TMEM181: variants seen among roughly 807,000 people sequenced by gnomAD.
TMEM181 encodes G protein-coupled receptor 178.
In TMEM181, 39 loss-of-function variants were observed where a neutral mutation model predicts 71.9. That is an observed-to-expected ratio of 0.54 (90% confidence interval 0.42 to 0.71). The LOEUF (loss-of-function observed/expected upper bound fraction) is 0.71. TMEM181 is among the 30% of genes least tolerant of loss of function. TMEM181 has a pLI of 0.00. For synonymous variants in TMEM181, 245 were observed against 228.8 expected (o/e 1.07, Z -0.64); for missense variants, 595 against 583.0 (o/e 1.02, Z -0.21).
intron 1 of TMEM181, among the ~76,000 whole-genome samples, chr6:158,562,958 G>A (rs1036613001): frequency 6.6e-6 from 1 of 152,196 alleles, no homozygotes; most frequent in Admixed American, 6.5e-5. Context: ...CTTTAGAGCT[G>A]AGCCCAAACC....
intron 12 of TMEM181, 113 bp downstream of exon 12, chr6:158,625,319 G>A: frequency 4.4e-6 from 4 of 905,974 alleles, no homozygotes; most frequent in Non-Finnish European, 7.1e-6. Context: ...CCAGGGACTG[G>A]TCCATTCCCA....
At chr6:158,593,605 G>A (rs1470029815) in intron 6 of TMEM181, among the ~76,000 whole-genome samples, 1 of 152,190 alleles carries the variant, frequency 6.6e-6, no homozygotes, top group Non-Finnish European at 1.5e-5. Context: ...AATCAACATT[G>A]TGCTGGCAGC....
Position 158,585,404 on chromosome 6 carries a change from A to G in TMEM181, c.360A>G (p.Thr120=). The G allele has an allele frequency of 1.2e-6, 2 of 1,610,490 alleles. No individual in the cohort carries two copies. The highest frequency in any genetic ancestry group is 1.7e-6 in the Non-Finnish European group (2 of 1,178,980). Residue 120 remains threonine, a synonymous_variant, in exon 5 of 17, where the codon ACA becomes ACG. Transcript: ENST00000684151. ...MYIHNKVHNR[T]RTLTCAGKCA... is the part of the protein sequence containing the mutation. ...TTCATAACAAAGTTCACAACCGGACAAGGACCCTCACATGTGCAGGGGTGA... is the reference window on the plus strand; with the variant it reads ...TTCATAACAAAGTTCACAACCGGACGAGGACCCTCACATGTGCAGGGGTGA...
intron 2 of TMEM181, among the ~76,000 whole-genome samples, chr6:158,579,459 C>T (rs535540702): frequency 2.0e-5 from 3 of 150,654 alleles, no homozygotes; most frequent in Middle Eastern, 3.4e-3. Flanking sequence ...CAGTGGCTCA[C>T]GCCTGTAATC....
chr6:158,592,036 C>T (rs528317403), intron 6 of TMEM181, among the ~76,000 whole-genome samples: 1 of 152,316 alleles, frequency 6.6e-6, no homozygotes, highest in Admixed American at 6.5e-5. Context: ...AATTACACCA[C>T]AGCCAGAGCC....
chr6:158,605,131 A>AAGTGG, intron 6 of TMEM181, 136 bp from the exon 7 acceptor site: 1 of 159,686 alleles, frequency 6.3e-6, no homozygotes, highest in South Asian at 7.5e-5. Context: ...AAAAAAAAAA[A>AAGTGG]GTGTGTGTGT....
At chr6:158,582,762 T>A (rs978449074) in intron 3 of TMEM181, among the ~76,000 whole-genome samples, 2 of 152,048 alleles carry the variant, frequency 1.3e-5, no homozygotes, top group East Asian at 1.9e-4. Context: ...CTTCAGTAAC[T>A]CTCTCTGTGG....
At chr6:158,616,888 A>C (rs1785646020) in intron 10 of TMEM181, among the ~76,000 whole-genome samples, 1 of 152,210 alleles carries the variant, frequency 6.6e-6, no homozygotes, top group Admixed American at 6.5e-5. Flanking sequence ...TCGGTTTGCC[A>C]GTATTTTATT....
upstream of TMEM181, among the ~76,000 whole-genome samples, chr6:158,559,867 G>A (rs1056500164): frequency 2.0e-5 from 3 of 152,252 alleles, no homozygotes; most frequent in East Asian, 1.9e-4. Context: ...CTGCCCTAGG[G>A]ACAAGAGGTA....
intron 2 of TMEM181, among the ~76,000 whole-genome samples, chr6:158,580,672 G>A (rs957641946): frequency 6.6e-6 from 1 of 152,144 alleles, no homozygotes; most frequent in Admixed American, 6.5e-5. Flanking sequence ...GCCTAGCAGG[G>A]TGTTTCCTGT....
intron 1 of TMEM181, among the ~76,000 whole-genome samples, chr6:158,540,790 A>T (rs967638997): frequency 4.0e-5 from 6 of 151,858 alleles, no homozygotes; most frequent in African/African-American, 1.5e-4. Context: ...TTTGAGAGAG[A>T]GAGTCTCACC....
intron 2 of TMEM181, among the ~76,000 whole-genome samples, chr6:158,576,935 A>G (rs1241189064): frequency 1.3e-5 from 2 of 151,870 alleles, no homozygotes; most frequent in Admixed American, 6.6e-5. Context: ...GGTGGTGGGC[A>G]CCTGTAGCCC....
At chr6:158,610,727 G>GA (rs1456049939) in intron 10 of TMEM181, 4 of 296,996 alleles carry the variant, frequency 1.3e-5, no homozygotes, top group African/African-American at 8.9e-5. Context: ...GTTGGGGGAA[G>GA]AATCACTCAG....
intron 7 of TMEM181, among the ~76,000 whole-genome samples, chr6:158,606,319 G>A (rs1161415766): frequency 3.9e-5 from 6 of 151,954 alleles, no homozygotes; most frequent in African/African-American, 7.2e-5. Context: ...TGGTGCTTAC[G>A]CCCAGCCCAG....
At chr6:158,550,729 T>G (rs553752270) in intron 1 of TMEM181, among the ~76,000 whole-genome samples, 318 of 152,110 alleles carry the variant, frequency 2.1e-3, no homozygotes, top group African/African-American at 7.4e-3. Flanking sequence ...TTTAGTAATT[T>G]CATGGAACAA....
intron 6 of TMEM181, among the ~76,000 whole-genome samples, chr6:158,591,821 G>A (rs1784126598): frequency 6.6e-6 from 1 of 152,100 alleles, no homozygotes; most frequent in South Asian, 2.1e-4. Context: ...GTGGGCCGCT[G>A]TTTTGTCTTT....
chr6:158,625,326 C>T (rs1282255346), intron 12 of TMEM181, 120 bp downstream of exon 12: 2 of 856,858 alleles, frequency 2.3e-6, no homozygotes, highest in African/African-American at 1.7e-5. Flanking sequence ...CTGGTCCATT[C>T]CCACAGGCTG....
intron 1 of TMEM181, among the ~76,000 whole-genome samples, chr6:158,568,278 T>C (rs1364559755): frequency 6.6e-6 from 1 of 152,076 alleles, no homozygotes; most frequent in Non-Finnish European, 1.5e-5. Flanking sequence ...TGAAACCTTT[T>C]GACCTTGAAG....
At chr6:158,577,982 T>C (rs1404269597) in intron 2 of TMEM181, among the ~76,000 whole-genome samples, 1 of 151,942 alleles carries the variant, frequency 6.6e-6, no homozygotes, top group Admixed American at 6.6e-5. Flanking sequence ...CCTAGCTACT[T>C]GGGAGGCTGA....
Sources: allele counts gnomAD v4.1 joint callset (sites outside exome capture counted in the v4.1 genomes callset), GRCh38; gene constraint gnomAD v4.1.1; transcripts MANE v1.5; gene names NCBI Gene and HGNC (gene_info 2026-07-23, HGNC 2026-07-21).